TRAF6: variants seen among roughly 807,000 people sequenced by gnomAD.
TRAF6 encodes TNF receptor-associated factor 6.
A neutral mutation model predicts 48.4 loss-of-function variants in TRAF6; 10 were observed. That is an observed-to-expected ratio of 0.21 (90% CI 0.13 to 0.35). The LOEUF is 0.35. Ranked by LOEUF, TRAF6 falls within the 10% of genes least tolerant of loss-of-function variation. TRAF6 has a pLI of 1.00. For synonymous variants in TRAF6, 186 were observed against 219.6 expected (o/e 0.85, Z 1.35); for missense variants, 397 against 661.0 (o/e 0.60, Z 4.38).
At position 36,489,649 on chromosome 11, in the gene TRAF6, G is replaced by A; in HGVS notation, c.*189C>T. On this transcript the variant is annotated 3_prime_UTR_variant, in exon 7 of 7. Transcript: ENST00000526995. ...ACATTTCTGAAAAAGCATGGAACGT[G>A]TGGATTCCCAGGAAAAAACTGCCTC... 1 of 661,934 alleles carries A rather than the reference G, an allele frequency of 1.5e-6. No individual in the cohort carries two copies. Among genetic ancestry groups the A allele is most frequent in the Non-Finnish European group, 2.6e-6 (1 of 391,604 alleles). The allele number at this position is 661,934 out of a possible 1,614,324, so 41.0% of individuals were successfully genotyped here.
intron 2 of TRAF6, among the ~76,000 whole-genome samples, chr11:36,500,895 T>C (rs1859706769): frequency 6.6e-6 from 1 of 152,132 alleles, no homozygotes; most frequent in Admixed American, 6.6e-5. Flanking sequence ...AGTAGCATCA[T>C]AATTTAAGGT....
chr11:36,509,518 G>A (rs1419606348), intron 1 of TRAF6, among the ~76,000 whole-genome samples: 4 of 152,028 alleles, frequency 2.6e-5, no homozygotes, highest in African/African-American at 2.4e-5. Context: ...AGCCGGAGTC[G>A]CCAGGAACGT....
At chr11:36,491,201 C>T (rs1859558688) in intron 6 of TRAF6, among the ~76,000 whole-genome samples, 1 of 152,114 alleles carries the variant, frequency 6.6e-6, no homozygotes, top group African/African-American at 2.4e-5. Flanking sequence ...CTGCAATTCC[C>T]AGTATACAAA....
intron 1 of TRAF6, among the ~76,000 whole-genome samples, chr11:36,504,629 T>A (rs570460072): frequency 6.6e-6 from 1 of 152,352 alleles, no homozygotes; most frequent in South Asian, 2.1e-4. Flanking sequence ...TTAAGGCTGA[T>A]ATTTTGACCT....
chr11:36,503,544 A>T (rs1162843232), intron 1 of TRAF6, among the ~76,000 whole-genome samples: 1 of 152,100 alleles, frequency 6.6e-6, no homozygotes, highest in Non-Finnish European at 1.5e-5. Flanking sequence ...TGGCCTCCCA[A>T]AGTGTTGAGA....
rs995720301 is a variant in TRAF6 at position 36,486,508 on chromosome 11, A to T, written c.*3330T>A. 6.6e-6 allele frequency among the ~76,000 whole-genome samples: 1 copy of T among 152,146 alleles called. No individual in the cohort carries two copies. The highest frequency in any genetic ancestry group is 1.5e-5 in the Non-Finnish European group (1 of 68,038). On this transcript the variant is annotated 3_prime_UTR_variant, in exon 7 of 7. Coordinates refer to ENST00000526995, the MANE Select transcript of TRAF6 (RefSeq NM_004620.4). ...CTTACTGGTGTAAAAACGGTAATAG[A>T]GAATTATACTGTGACCTGTATAATT... is the stretch of plus-strand genomic sequence containing the variant.
At chr11:36,497,014 T>C in intron 4 of TRAF6, 94 bp downstream of exon 4, 1 of 1,312,180 alleles carries the variant, frequency 7.6e-7, no homozygotes, top group Non-Finnish European at 1.0e-6. Flanking sequence ...AGAGTCGGAG[T>C]CACATCCTTA....
chr11:36,500,785 T>C (rs930934160), intron 2 of TRAF6, among the ~76,000 whole-genome samples: 1 of 152,154 alleles, frequency 6.6e-6, no homozygotes, highest in Admixed American at 6.5e-5. Context: ...CAGTTGACCA[T>C]ACACTTTAGG....
At chr11:36,508,888 A>C (rs1564971375) in intron 1 of TRAF6, among the ~76,000 whole-genome samples, 1 of 152,202 alleles carries the variant, frequency 6.6e-6, no homozygotes, top group African/African-American at 2.4e-5. Flanking sequence ...CCAAAAGTTT[A>C]CCGGCATCAC....
At chr11:36,495,710 TG>T (rs1271324306) in intron 4 of TRAF6, among the ~76,000 whole-genome samples, 1 of 152,002 alleles carries the variant, frequency 6.6e-6, no homozygotes, top group Non-Finnish European at 1.5e-5. Context: ...CTGACCAACA[TG>T]GAGAAACCCC....
intron 3 of TRAF6, 37 bp from the exon 4 acceptor site, chr11:36,497,303 C>T (rs745840821): frequency 6.3e-7 from 1 of 1,580,744 alleles, no homozygotes; most frequent in Non-Finnish European, 8.6e-7. Flanking sequence ...CATTAGCCAA[C>T]TCTGAAGTCT....
chr11:36,509,890 A>C (rs1180888865), intron 1 of TRAF6, among the ~76,000 whole-genome samples, 158 bp downstream of exon 1: 2 of 148,716 alleles, frequency 1.3e-5, no homozygotes, highest in Non-Finnish European at 3.0e-5. Flanking sequence ...GACCTGTGAA[A>C]AGCGAAGGGA....
chr11:36,497,447 G>A (rs1461293463), intron 3 of TRAF6, among the ~76,000 whole-genome samples, 181 bp from the exon 4 acceptor site: 1 of 152,128 alleles, frequency 6.6e-6, no homozygotes, highest in Non-Finnish European at 1.5e-5. Flanking sequence ...GTCATGGGTT[G>A]CAAATTTATA....
At chr11:36,509,347 T>C (rs1446773534) in intron 1 of TRAF6, among the ~76,000 whole-genome samples, 1 of 152,218 alleles carries the variant, frequency 6.6e-6, no homozygotes, top group African/African-American at 2.4e-5. Context: ...GGAACAGCTT[T>C]ATCAACCCGG....
intron 6 of TRAF6, among the ~76,000 whole-genome samples, chr11:36,491,295 TACA>T (rs1470742912): frequency 6.6e-6 from 1 of 152,164 alleles, no homozygotes; most frequent in Non-Finnish European, 1.5e-5. Flanking sequence ...ACATTCATAA[TACA>T]ACAATTTTTA....
rs751422527 is a variant in TRAF6, at chr11:36,490,359, T to C, written c.1048A>G (p.Asn350Asp). Residue 350 changes from asparagine (N) to aspartate (D), a missense_variant, in exon 7 of 7, where the codon AAT (asparagine) becomes GAT (aspartate). This residue lies in a region of TRAF6 where 245 missense variants were observed against 349.1 expected (regional missense o/e 0.70). Coordinates refer to ENST00000526995, the MANE Select transcript of TRAF6 (RefSeq NM_004620.4). The surrounding 1 kb of genome is among the most constrained non-coding windows in gnomAD (Gnocchi z 6.4). ...KVAEIEAQQC[N>D]GIYIWKIGNF... ...CCAATCTTCCAAATATAAATTCCAT[T>C]GCACTGCTGTGCTTCGATTTCAGCA... is the stretch of plus-strand genomic sequence containing the variant. The C allele has an allele frequency of 1.9e-6, 3 of 1,614,220 alleles. No homozygotes were observed. Among genetic ancestry groups the C allele is most frequent in the South Asian group, 2.2e-5 (2 of 91,082 alleles).
At chr11:36,503,847 A>T (rs1436483155) in intron 1 of TRAF6, among the ~76,000 whole-genome samples, 2 of 152,198 alleles carry the variant, frequency 1.3e-5, no homozygotes, top group African/African-American at 2.4e-5. Flanking sequence ...TTATTCCCAT[A>T]TACAGGCATA....
In TRAF6 at chr11:36,498,440, A is replaced by G. The variant is rs191674557; in HGVS notation, c.447+50T>C. The G allele has an allele frequency of 6.4e-6, 10 of 1,554,004 alleles. No homozygotes were observed. In the African/African-American group the frequency reaches 9.6e-5, roughly 15 times the overall value. ...GGACACAGCAAAGTCCCTATTCTGT[A>G]GGAACTTCCTTTTATACATGTGCTA... On this transcript the variant is annotated intron_variant, in intron 3 of 6. Coordinates refer to ENST00000526995, the MANE Select transcript of TRAF6 (RefSeq NM_004620.4).
At position 36,489,480 on chromosome 11, in the gene TRAF6, C is replaced by A; in HGVS notation, c.*358G>T. The A allele has an allele frequency of 4.9e-6, 1 of 205,508 alleles. No individual in the cohort carries two copies. Among genetic ancestry groups the A allele is most frequent in the Non-Finnish European group, 9.8e-6 (1 of 101,782 alleles). 12.7% of individuals were successfully genotyped at this position (205,508 alleles called of 1,614,324 possible). A position where few individuals can be genotyped will look rare whatever the true frequency, so the allele number is the denominator to read the frequency against. ...AAAGACTGAAGTTTTAAGGAAAATCCATTATTATTAAAAGTTTAGTACTCT... is the reference window on the plus strand; with the variant it reads ...AAAGACTGAAGTTTTAAGGAAAATCAATTATTATTAAAAGTTTAGTACTCT... On this transcript the variant is annotated 3_prime_UTR_variant, in exon 7 of 7. Coordinates refer to ENST00000526995, the MANE Select transcript of TRAF6 (RefSeq NM_004620.4).
Sources: allele counts gnomAD v4.1 joint callset (sites outside exome capture counted in the v4.1 genomes callset), GRCh38; gene constraint gnomAD v4.1.1; regional missense constraint gnomAD v4.1.1; non-coding constraint Gnocchi (gnomAD v3.1); transcripts MANE v1.5; gene names NCBI Gene and HGNC (gene_info 2026-07-23, HGNC 2026-07-21).